CDK19: variants seen among roughly 807,000 people sequenced by gnomAD.
The protein encoded by CDK19 is cyclin dependent kinase 19, also known as cyclin-dependent kinase 19.
A neutral mutation model predicts 68.3 loss-of-function variants in CDK19; 20 were observed. That is an observed-to-expected ratio of 0.29 (90% CI 0.21 to 0.43). The LOEUF is 0.43. Ranked by LOEUF, CDK19 falls within the 20% of genes least tolerant of loss-of-function variation. The pLI is 1.00. For missense variants in CDK19, 339 were observed against 623.5 expected, an observed-to-expected ratio of 0.54 and a Z score of 4.86; for synonymous variants, 221 against 222.8, an observed-to-expected ratio of 0.99 and a Z score of 0.07.
intron 1 of CDK19, among the ~76,000 whole-genome samples, chr6:110,804,710 C>CT (rs1782559003): frequency 6.7e-6 from 1 of 148,648 alleles, no homozygotes. Flanking sequence ...AATCCCAGCA[C>CT]TTTGGGAGGC....
intron 6 of CDK19, among the ~76,000 whole-genome samples, chr6:110,628,233 T>A (rs986803083): frequency 6.6e-6 from 1 of 151,940 alleles, no homozygotes; most frequent in Admixed American, 6.6e-5. Context: ...CAAAAAACTA[T>A]GGTATAGCAT....
intron 1 of CDK19, among the ~76,000 whole-genome samples, chr6:110,781,491 A>C (rs1035757930): frequency 2.0e-5 from 3 of 152,110 alleles, no homozygotes; most frequent in African/African-American, 7.2e-5. Context: ...TATCCAAACT[A>C]TATCAGACAG....
At chr6:110,716,275 CATG>C (rs555217041) in intron 2 of CDK19, among the ~76,000 whole-genome samples, 1 of 151,890 alleles carries the variant, frequency 6.6e-6, no homozygotes, top group Non-Finnish European at 1.5e-5. Flanking sequence ...GAGTACGTAG[CATG>C]ATATTACACT....
intron 1 of CDK19, among the ~76,000 whole-genome samples, chr6:110,783,566 A>T (rs1780973087): frequency 6.9e-6 from 1 of 145,488 alleles, no homozygotes; most frequent in Admixed American, 6.9e-5. Context: ...TGAACCCAGG[A>T]GGTGGAGGTT....
chr6:110,787,583 A>G (rs914184185), intron 1 of CDK19, among the ~76,000 whole-genome samples: 1 of 151,878 alleles, frequency 6.6e-6, no homozygotes, highest in African/African-American at 2.4e-5. Flanking sequence ...AGTAGCTGAC[A>G]CTCTAGGTAA....
At chr6:110,708,528 CAT>C (rs1463256874) in intron 2 of CDK19, among the ~76,000 whole-genome samples, 2 of 152,144 alleles carry the variant, frequency 1.3e-5, no homozygotes, top group African/African-American at 2.4e-5. Context: ...TCCCAGCCTG[CAT>C]ATGTTACTAG....
intron 1 of CDK19, among the ~76,000 whole-genome samples, chr6:110,797,037 T>C (rs1251089787): frequency 6.9e-6 from 1 of 145,202 alleles, no homozygotes; most frequent in Admixed American, 6.9e-5. Flanking sequence ...TACACATAAA[T>C]TGAAATAAGA....
chr6:110,694,141 C>T (rs751784791), intron 2 of CDK19, among the ~76,000 whole-genome samples: 1 of 149,630 alleles, frequency 6.7e-6, no homozygotes, highest in Non-Finnish European at 1.5e-5. Context: ...TAACTCACAT[C>T]TCCATACTAA....
intron 4 of CDK19, among the ~76,000 whole-genome samples, chr6:110,643,921 T>C (rs1780365522): frequency 6.6e-6 from 1 of 151,820 alleles, no homozygotes. Flanking sequence ...ACTATTAAAA[T>C]TTAAAATTTT....
intron 1 of CDK19, 43 bp downstream of exon 1, chr6:110,814,966 G>A: frequency 6.3e-7 from 1 of 1,596,850 alleles, no homozygotes; most frequent in Non-Finnish European, 8.5e-7. Context: ...CGCGGGCAGG[G>A]CGAGGACCCG....
At chr6:110,633,205 C>G (rs1006596156) in intron 5 of CDK19, among the ~76,000 whole-genome samples, 8 of 152,170 alleles carry the variant, frequency 5.3e-5, no homozygotes, top group Non-Finnish European at 1.0e-4. Context: ...GGTGACAGAG[C>G]AAGACTCTGT....
At chr6:110,743,771 G>T (rs112156318) in intron 2 of CDK19, among the ~76,000 whole-genome samples, 2 of 152,160 alleles carry the variant, frequency 1.3e-5, no homozygotes, top group African/African-American at 4.8e-5. Context: ...TTTCAAAAAG[G>T]ACATTTATAA....
chr6:110,722,494 T>A (rs893708097), intron 2 of CDK19: 11 of 151,054 alleles, frequency 7.3e-5, no homozygotes, highest in Admixed American at 2.0e-4. Context: ...AACTCAGGAG[T>A]TTGAGGCCAG....
intron 1 of CDK19, among the ~76,000 whole-genome samples, chr6:110,753,545 G>A (rs1778623002): frequency 7.3e-6 from 1 of 137,596 alleles, no homozygotes; most frequent in African/African-American, 2.8e-5. Context: ...ACCACACCTG[G>A]ATTTTTTTTT....
At chr6:110,759,428 A>AAAAAAAAT (rs1275389842) in intron 1 of CDK19, among the ~76,000 whole-genome samples, 1 of 50,908 alleles carries the variant, frequency 2.0e-5, no homozygotes, top group East Asian at 8.3e-4. Flanking sequence ...AAAAAAAAAA[A>AAAAAAAAT]ATATATATAT....
At chr6:110,620,465 AT>A (rs943007961) in intron 12 of CDK19, among the ~76,000 whole-genome samples, 12 of 151,276 alleles carry the variant, frequency 7.9e-5, no homozygotes, top group Non-Finnish European at 1.5e-4. Flanking sequence ...TTGAAAAAAA[AT>A]TTTTTTTTCA....
At chr6:110,725,554 CAG>C (rs145362632) in intron 2 of CDK19, among the ~76,000 whole-genome samples, 153 of 148,498 alleles carry the variant, frequency 1.0e-3, no homozygotes, top group East Asian at 9.7e-4. Flanking sequence ...GAGAGAGGGG[CAG>C]AGAGAGAGAG....
intron 2 of CDK19, among the ~76,000 whole-genome samples, chr6:110,708,084 A>G (rs1774662031): frequency 6.6e-6 from 1 of 152,200 alleles, no homozygotes; most frequent in Admixed American, 6.5e-5. Flanking sequence ...ACTCCTTAAG[A>G]TAAAAATACC....
chr6:110,649,341 C>T (rs1332994784), intron 4 of CDK19, among the ~76,000 whole-genome samples: 1 of 152,080 alleles, frequency 6.6e-6, no homozygotes, highest in Non-Finnish European at 1.5e-5. Context: ...TGAATCTTCA[C>T]CTTATACCAT....
Sources: allele counts gnomAD v4.1 joint callset (sites outside exome capture counted in the v4.1 genomes callset), GRCh38; gene constraint gnomAD v4.1.1; transcripts MANE v1.5; gene names NCBI Gene and HGNC (gene_info 2026-07-23, HGNC 2026-07-21).